The following MFSD12 variants were observed in gnomAD, a reference collection of about 807,000 sequenced individuals.
MFSD12 encodes major facilitator superfamily domain-containing protein 12.
Under a neutral mutation model 51.2 loss-of-function variants are expected in MFSD12, and 67 were observed. That is an observed-to-expected ratio of 1.31 (90% CI 1.08 to 1.60). The LOEUF is 1.60. MFSD12 is among the 40% of genes most tolerant of loss of function. The pLI is 0.00. For synonymous variants in MFSD12, 441 were observed against 316.7 expected, an observed-to-expected ratio of 1.39 and a Z score of -4.17; for missense variants, 921 against 673.0, an observed-to-expected ratio of 1.37 and a Z score of -4.08.
At chr19:3,554,581 T>G (rs1277757063) in intron 1 of MFSD12, among the ~76,000 whole-genome samples, 4 of 152,244 alleles carry the variant, frequency 2.6e-5, no homozygotes, top group African/African-American at 9.6e-5. Context: ...AAGTGAGGAC[T>G]GTTCCTACCT....
chr19:3,541,567 T>C (rs536039432), downstream of MFSD12: 28 of 649,760 alleles, frequency 4.3e-5, 1 homozygote, highest in Admixed American at 6.9e-5. Context: ...ATGATCCGCC[T>C]GCCTCGGCCT....
At chr19:3,542,737 C>T (rs1300432201), downstream of MFSD12, 2 of 1,327,368 alleles carry the variant, frequency 1.5e-6, no homozygotes, top group Non-Finnish European at 2.0e-6. Context: ...CCTGCCTCAG[C>T]CTCCCAAAGT....
At chr19:3,555,553 G>T (rs75940929) in intron 1 of MFSD12, among the ~76,000 whole-genome samples, 6 of 152,200 alleles carry the variant, frequency 3.9e-5, no homozygotes, top group Non-Finnish European at 8.8e-5. Flanking sequence ...GCCGCCTCAG[G>T]TACCCCAGGA....
chr19:3,542,891 GT>G (rs1331629679), downstream of MFSD12: 1 of 1,408,684 alleles, frequency 7.1e-7, no homozygotes, highest in Non-Finnish European at 9.5e-7. Flanking sequence ...GGACTTGTGG[GT>G]CTTGGAGGCT....
downstream of MFSD12, chr19:3,542,963 T>C (rs774726248): frequency 6.5e-7 from 1 of 1,532,822 alleles, no homozygotes; most frequent in Non-Finnish European, 8.9e-7. Flanking sequence ...CTCCCTCTTC[T>C]CCAGGCAAGA....
downstream of MFSD12, chr19:3,543,960 C>T (rs1396514618): frequency 5.2e-6 from 8 of 1,550,686 alleles, no homozygotes; most frequent in Non-Finnish European, 7.0e-6. Context: ...ACCATACTGC[C>T]CCTCCACCTG....
chr19:3,549,583 G>T (rs190684456), intron 2 of MFSD12, among the ~76,000 whole-genome samples: 196 of 151,332 alleles, frequency 1.3e-3, no homozygotes, highest in African/African-American at 4.2e-3. Flanking sequence ...ATTAGCCGGG[G>T]GTGGTGGCGG....
chr19:3,538,966 T>A (rs2030124983), intron 4 of MFSD12: 2 of 636,226 alleles, frequency 3.1e-6, no homozygotes, highest in African/African-American at 3.6e-5. Context: ...GGACCCCACC[T>A]GGCAGTGGCC....
rs751661455 is a variant in MFSD12, at chr19:3,544,830, A to C, written c.1399T>G (p.Trp467Gly). The C allele has an allele frequency of 4.3e-6, 7 of 1,612,524 alleles. No homozygotes were observed. The highest frequency in any genetic ancestry group is 1.1e-5 in the South Asian group (1 of 91,044). The change falls in exon 9 of 10, where the codon TGG becomes GGG. Residue 467 changes from tryptophan to glycine, a missense_variant. By Grantham distance (184) the Trp-to-Gly change is radical. Coordinates refer to ENST00000355415, the MANE Select transcript of MFSD12 (RefSeq NM_174983.5). ...TCACAGCGTCGCAGGCGGGTCGGCC[A>C]CAGCAGGAGGCTACAGAGACACAGG... ...AALCLCSLLL[W>G]PTRLRRWDRD...
chr19:3,547,199 C>A, intron 6 of MFSD12, 73 bp downstream of exon 6: 1 of 1,351,690 alleles, frequency 7.4e-7, no homozygotes, highest in East Asian at 2.3e-5. Flanking sequence ...GGATGGAACC[C>A]GGAGCGGGTG....
At chr19:3,542,935 G>A (rs778690739), downstream of MFSD12, 7 of 1,476,324 alleles carry the variant, frequency 4.7e-6, no homozygotes, top group African/African-American at 8.4e-5. Flanking sequence ...GGAGTAGCCA[G>A]GGCCCTTGTC....
intron 1 of MFSD12, among the ~76,000 whole-genome samples, chr19:3,555,246 T>C (rs1169806654): frequency 2.0e-5 from 3 of 152,120 alleles, no homozygotes; most frequent in African/African-American, 7.2e-5. Flanking sequence ...GTAGCTGGGA[T>C]TACAGGCGTG....
chr19:3,544,077 G>A (rs1437529179), downstream of MFSD12: 1 of 1,459,204 alleles, frequency 6.9e-7, no homozygotes, highest in Non-Finnish European at 9.1e-7. Flanking sequence ...CTAGTCCCAG[G>A]GGACCAGAGG....
rs747713985 is a variant in MFSD12, at chr19:3,539,153, A to C, written c.*6-397T>G. ...ACGGTGGCCTCAGAGGCCTTCTGGC[A>C]GGAGCCCGGGGGATCCAGGCAGACA... On this transcript the variant is annotated intron_variant, in intron 4 of 4. Coordinates refer to the MFSD12 transcript ENST00000398558. 1.2e-4 allele frequency: 182 copies of C among 1,530,982 alleles called. 3 individuals carry two copies. The South Asian group carries it at 2.1e-3, about 18-fold the overall frequency. The allele number at this position is 1,530,982 out of a possible 1,614,324, so 94.8% of individuals were successfully genotyped here.
intron 8 of MFSD12, among the ~76,000 whole-genome samples, chr19:3,545,396 T>C (rs1002847451): frequency 1.3e-5 from 2 of 152,078 alleles, no homozygotes; most frequent in African/African-American, 4.8e-5. Flanking sequence ...CGACCTGCCC[T>C]CCCCTCCTCC....
chr19:3,544,641 C>T lies in MFSD12; in HGVS notation c.*69G>A, dbSNP rs2030789145. On this transcript the variant is annotated 3_prime_UTR_variant, in exon 10 of 10. Transcript: ENST00000355415. ...GTGAGGGGCAGTGGGGGCTTTTCCC[C>T]AAGGCCCTGGGGGGCATCCTCGTGC... is the stretch of plus-strand genomic sequence containing the variant. 9 of 1,528,286 alleles carry T rather than the reference C, an allele frequency of 5.9e-6. No homozygotes were observed. Among genetic ancestry groups the T allele is most frequent in the South Asian group, 3.8e-5 (3 of 79,330 alleles). 94.7% of individuals were successfully genotyped at this position (1,528,286 alleles called of 1,614,324 possible). A position where few individuals can be genotyped will look rare whatever the true frequency, so the allele number is the denominator to read the frequency against.
intron 2 of MFSD12, among the ~76,000 whole-genome samples, chr19:3,550,156 C>T (rs1036281702): frequency 6.6e-6 from 1 of 152,184 alleles, no homozygotes. Flanking sequence ...CCCTGGGCAA[C>T]CCCTTGAATG....
chr19:3,545,133 C>G (rs1349335619), intron 8 of MFSD12, among the ~76,000 whole-genome samples, 194 bp from the exon 9 acceptor site: 1 of 152,196 alleles, frequency 6.6e-6, no homozygotes, highest in Admixed American at 6.5e-5. Flanking sequence ...CTTCCAGCAT[C>G]CATGCCAAAT....
intron 6 of MFSD12, 66 bp downstream of exon 6, chr19:3,547,206 G>A: frequency 1.4e-6 from 2 of 1,395,686 alleles, no homozygotes; most frequent in East Asian, 2.3e-5. Context: ...ACCCGGAGCG[G>A]GTGGGATCTC....
Sources: allele counts gnomAD v4.1 joint callset (sites outside exome capture counted in the v4.1 genomes callset), GRCh38; gene constraint gnomAD v4.1.1; transcripts MANE v1.5; gene names NCBI Gene and HGNC (gene_info 2026-07-23, HGNC 2026-07-21).